The following MCF2L variants were observed in gnomAD, a reference collection of about 807,000 sequenced individuals.
MCF2L encodes the protein MCF.2 cell line derived transforming sequence like.
MCF2L carries 97 observed loss-of-function variants against 153.4 expected under a neutral mutation model. The ratio of observed to expected loss-of-function variants is 0.63; its 90% CI spans 0.54 to 0.75. The LOEUF is 0.75. Among genes scored for constraint, MCF2L ranks in the 30% least tolerant of loss-of-function variants. The pLI, the probability that MCF2L is intolerant of heterozygous loss-of-function variation, is 0.00. For synonymous variants in MCF2L, 659 were observed against 632.2 expected, an observed-to-expected ratio of 1.04 and a Z score of -0.64; for missense variants, 1,347 against 1,495.2, an observed-to-expected ratio of 0.90 and a Z score of 1.64.
upstream of MCF2L, chr13:112,968,873 G>GGACCTCGGCGGTGACACGAATTTCTAGGT (rs2081947869): frequency 1.2e-6 from 1 of 857,838 alleles, no homozygotes; most frequent in South Asian, 2.4e-5. Context: ...GGCTCCCAGG[G>GGACCTCGGCGGTGACACGAATTTCTAGGT]GACCTCGGCG....
intron 1 of MCF2L, among the ~76,000 whole-genome samples, chr13:112,895,543 G>A (rs576582758): frequency 3.3e-5 from 5 of 152,236 alleles, no homozygotes; most frequent in South Asian, 2.1e-4. Context: ...CCTAACATGC[G>A]AACTGTGGAG....
chr13:112,927,513 T>G (rs2081420460), intron 2 of MCF2L, among the ~76,000 whole-genome samples: 1 of 152,132 alleles, frequency 6.6e-6, no homozygotes, highest in Non-Finnish European at 1.5e-5. Flanking sequence ...GCCTACAACA[T>G]CTTGTTCTAC....
chr13:113,043,202 A>G (rs1047304748), intron 3 of MCF2L: 1 of 152,228 alleles, frequency 6.6e-6, no homozygotes, highest in East Asian at 1.9e-4. Flanking sequence ...CCTCCCGCCC[A>G]ACACACAGCC....
chr13:112,926,736 C>T (rs2081410686), intron 2 of MCF2L, among the ~76,000 whole-genome samples: 1 of 152,122 alleles, frequency 6.6e-6, no homozygotes. Context: ...TGCATGTTCT[C>T]ACTTACATGT....
rs574189532 is a variant in MCF2L, at chr13:113,095,646, C to T, written c.3076-725C>T. ...GAGCAGGTGGCCCAGTCACCGTCCT[C>T]CTGCTCCAGGCCATCACGTGAGGGC... On this transcript the variant is annotated intron_variant, in intron 27 of 29. Coordinates refer to ENST00000535094, the MANE Select transcript of MCF2L (RefSeq NM_001112732.3). 24 of 993,686 alleles carry T rather than the reference C, an allele frequency of 2.4e-5. No homozygotes were observed. The South Asian group carries it at 1.1e-3, about 44-fold the overall frequency. 61.6% of individuals were successfully genotyped at this position (993,686 alleles called of 1,614,324 possible). A position where few individuals can be genotyped will look rare whatever the true frequency, so the allele number is the denominator to read the frequency against.
chr13:113,024,271 A>G (rs1398964764), intron 2 of MCF2L, among the ~76,000 whole-genome samples: 2 of 152,376 alleles, frequency 1.3e-5, no homozygotes, highest in Non-Finnish European at 2.9e-5. Flanking sequence ...ACATTGTTTA[A>G]AAGCATGGAA....
intron 1 of MCF2L, chr13:113,001,772 A>C: frequency 7.2e-7 from 1 of 1,394,642 alleles, no homozygotes; most frequent in Non-Finnish European, 9.3e-7. Context: ...TGCAGAGGCC[A>C]GGTCTGCCCA....
rs1332021133 is a variant in MCF2L at position 112,941,663 on chromosome 13, C to G, written c.169+39292C>G. Among the ~76,000 whole-genome samples, 3 of 151,958 alleles carry G rather than the reference C, an allele frequency of 2.0e-5. No individual in the cohort carries two copies. Among genetic ancestry groups the G allele is most frequent in the Non-Finnish European group, 4.4e-5 (3 of 68,016 alleles). On this transcript the variant is annotated intron_variant, in intron 2 of 29. Coordinates refer to the MCF2L transcript ENST00000375608. This position sits in a 1 kb window ranked among gnomAD's most constrained non-coding sequence, Gnocchi z 4.9. ...GCGGCAAGCCACCCAGGTGCCGAGG[C>G]AAGAGACCAAGGGCACGAGCTGTTC...
At chr13:112,990,911 C>G (rs767633919) in intron 1 of MCF2L, among the ~76,000 whole-genome samples, 1 of 152,264 alleles carries the variant, frequency 6.6e-6, no homozygotes, top group Non-Finnish European at 1.5e-5. Flanking sequence ...GCTGAATGCG[C>G]TCCTGAAAAC....
At chr13:112,999,264 C>T (rs1247053804) in intron 1 of MCF2L, among the ~76,000 whole-genome samples, 5 of 152,178 alleles carry the variant, frequency 3.3e-5, no homozygotes, top group Admixed American at 6.5e-5. Context: ...TGAAGGAGCA[C>T]AGCCTTTGCC....
chr13:112,927,201 C>T (rs1199973492), intron 2 of MCF2L, among the ~76,000 whole-genome samples: 5 of 152,172 alleles, frequency 3.3e-5, no homozygotes, highest in African/African-American at 4.8e-5. Flanking sequence ...CAGTATCTAG[C>T]GAGGTCATAG....
At chr13:113,075,251 C>T in intron 11 of MCF2L, 62 bp downstream of exon 11, 2 of 1,448,278 alleles carry the variant, frequency 1.4e-6, no homozygotes, top group Admixed American at 2.1e-5. Flanking sequence ...CTTCCTCCCA[C>T]ATCCACCACC....
At chr13:112,991,720 T>C (rs1487589490) in intron 1 of MCF2L, among the ~76,000 whole-genome samples, 1 of 152,204 alleles carries the variant, frequency 6.6e-6, no homozygotes, top group Admixed American at 6.5e-5. Context: ...TGCAGCAGTC[T>C]GTGCTCCCTG....
At chr13:112,981,620 C>T (rs1486185428) in intron 1 of MCF2L, among the ~76,000 whole-genome samples, 2 of 152,238 alleles carry the variant, frequency 1.3e-5, no homozygotes, top group Non-Finnish European at 2.9e-5. Flanking sequence ...GAGGCAGACT[C>T]TGGGTCCCTG....
At chr13:113,047,580 C>A (rs187045756) in intron 4 of MCF2L, among the ~76,000 whole-genome samples, 9 of 152,384 alleles carry the variant, frequency 5.9e-5, no homozygotes, top group African/African-American at 2.2e-4. Flanking sequence ...TTACCTGCCG[C>A]TGATATAAAC....
intron 2 of MCF2L, among the ~76,000 whole-genome samples, chr13:113,016,616 C>CGTCATATGCTGCCCCT: frequency 6.8e-6 from 1 of 146,076 alleles, no homozygotes; most frequent in Non-Finnish European, 1.5e-5. Context: ...CTGCTGCCCC[C>CGTCATATGCTGCCCCT]GCGTCATATG....
chr13:112,933,769 G>A (rs1049561921), intron 2 of MCF2L, among the ~76,000 whole-genome samples: 3 of 152,224 alleles, frequency 2.0e-5, no homozygotes, highest in East Asian at 1.9e-4. Context: ...ATCGGTCAGC[G>A]AAGAGCAGGC....
chr13:112,979,733 G>C, intron 1 of MCF2L: 1 of 1,612,322 alleles, frequency 6.2e-7, no homozygotes, highest in African/African-American at 1.3e-5. Context: ...GGAGGCGCCG[G>C]GGAACTGCAG....
chr13:113,048,437 C>CTTTTTTTT, intron 4 of MCF2L, among the ~76,000 whole-genome samples: 2 of 104,176 alleles, frequency 1.9e-5, no homozygotes, highest in Non-Finnish European at 3.7e-5. Flanking sequence ...AATTTACGGT[C>CTTTTTTTT]TTTTTTTTTT....
Sources: gnomAD v4.1 joint callset for allele counts (sites outside exome capture counted in the v4.1 genomes callset) on GRCh38, gnomAD v4.1.1 for gene constraint, Gnocchi (gnomAD v3.1) non-coding constraint, MANE v1.5 for transcripts, NCBI Gene and HGNC (gene_info 2026-07-23, HGNC 2026-07-21) for gene names.